The following BANK1 variants were observed in gnomAD, a reference collection of about 807,000 sequenced individuals.
The protein encoded by BANK1 is B cell scaffold protein with ankyrin repeats 1.
BANK1 carries 95 observed loss-of-function variants against 94.5 expected under a neutral mutation model. The ratio of observed to expected loss-of-function variants is 1.00; its 90% confidence interval spans 0.85 to 1.19. The LOEUF is 1.19. Ranked by LOEUF, BANK1 falls within the 50% of genes most tolerant of loss-of-function variation. The pLI, the probability that BANK1 is intolerant of heterozygous loss-of-function variation, is 0.00. For synonymous variants in BANK1, 334 were observed against 308.4 expected (o/e 1.08, Z -0.87); for missense variants, 987 against 932.2 (o/e 1.06, Z -0.77).
chr4:101,933,029 A>G (rs1723410120), intron 7 of BANK1, among the ~76,000 whole-genome samples: 2 of 151,526 alleles, frequency 1.3e-5, no homozygotes. Context: ...GAAAATGTAC[A>G]CTGAAAAATA....
intron 1 of BANK1, among the ~76,000 whole-genome samples, chr4:101,828,383 T>TTATATATATATATATATATATATATATA (rs60877981): frequency 7.0e-6 from 1 of 142,170 alleles, no homozygotes; most frequent in African/African-American, 2.6e-5. Flanking sequence ...ATGAGTGAAT[T>TTATATATATATATATATATATATATATA]TATATATATA....
At chr4:101,983,565 T>C (rs1725387961) in intron 7 of BANK1, among the ~76,000 whole-genome samples, 1 of 152,082 alleles carries the variant, frequency 6.6e-6, no homozygotes, top group Non-Finnish European at 1.5e-5. Context: ...TACAGCCCCT[T>C]CAGAAAATTG....
intron 10 of BANK1, among the ~76,000 whole-genome samples, chr4:102,033,128 C>T (rs1578469058): frequency 2.0e-5 from 3 of 152,238 alleles, no homozygotes; most frequent in East Asian, 1.9e-4. Context: ...GATTAGAATG[C>T]GGGAAAAAGA....
At chr4:101,946,510 C>G (rs571807262) in intron 7 of BANK1, among the ~76,000 whole-genome samples, 1 of 151,908 alleles carries the variant, frequency 6.6e-6, no homozygotes, top group African/African-American at 2.4e-5. Flanking sequence ...TATTAGCAGA[C>G]GGCAAAATGC....
chr4:101,949,149 G>A (rs932284827), intron 7 of BANK1, among the ~76,000 whole-genome samples: 5 of 152,056 alleles, frequency 3.3e-5, no homozygotes, highest in Non-Finnish European at 7.4e-5. Context: ...ACCCTAGGAT[G>A]ACGTGGCTCT....
chr4:101,802,081 A>G (rs947425637), intron 1 of BANK1, among the ~76,000 whole-genome samples: 1 of 152,174 alleles, frequency 6.6e-6, no homozygotes, highest in Non-Finnish European at 1.5e-5. Context: ...GCCTGTCCTT[A>G]CTTAGGTCTG....
chr4:102,001,815 C>G (rs1288930279), intron 7 of BANK1, among the ~76,000 whole-genome samples: 1 of 152,102 alleles, frequency 6.6e-6, no homozygotes, highest in Non-Finnish European at 1.5e-5. Context: ...AAAAATTGGG[C>G]AGCATTCATC....
intron 9 of BANK1, 71 bp from the exon 10 acceptor site, chr4:102,029,889 A>T: frequency 6.8e-7 from 1 of 1,465,324 alleles, no homozygotes; most frequent in Non-Finnish European, 9.2e-7. Context: ...AGCTCAAAAA[A>T]GTGACAGATG....
chr4:101,920,571 G>T lies in BANK1; in HGVS notation c.1206+2382G>T, dbSNP rs531572190. 8.0e-4 allele frequency among the ~76,000 whole-genome samples: 121 copies of T among 151,936 alleles called. 1 individual carries two copies. The highest frequency in any genetic ancestry group is 1.4e-3 in the Non-Finnish European group (92 of 67,888). On this transcript the variant is annotated intron_variant, in intron 7 of 16. Coordinates refer to ENST00000322953, the MANE Select transcript of BANK1 (RefSeq NM_017935.5). ...TCACAAATGCATTCAAATTTTTCAT[G>T]AACTATTGTTTCAGAATAGTTTAAA...
chr4:102,073,820 G>C (rs1229728600), intron 16 of BANK1, 72 bp downstream of exon 16: 2 of 1,241,156 alleles, frequency 1.6e-6, no homozygotes, highest in Admixed American at 2.2e-5. Flanking sequence ...GGTATCATTT[G>C]TCTAAAAAAC....
chr4:101,864,608 G>A (rs555699531), intron 4 of BANK1, among the ~76,000 whole-genome samples: 1 of 152,142 alleles, frequency 6.6e-6, no homozygotes, highest in Non-Finnish European at 1.5e-5. Flanking sequence ...AAGGGTCACA[G>A]TTGTCACTCC....
chr4:101,906,165 C>A (rs1159522664), intron 6 of BANK1, among the ~76,000 whole-genome samples: 1 of 152,166 alleles, frequency 6.6e-6, no homozygotes, highest in Non-Finnish European at 1.5e-5. Context: ...AGGAGTAAGA[C>A]AAGCTCGTGT....
At chr4:101,876,267 G>A (rs1560612463) in intron 5 of BANK1, among the ~76,000 whole-genome samples, 1 of 152,182 alleles carries the variant, frequency 6.6e-6, no homozygotes. Context: ...CAGCTGTAGT[G>A]GCTAAGAGGG....
Position 102,060,193 on chromosome 4 carries a change from C to T in BANK1, c.1970-18C>T. 6.5e-7 allele frequency: 1 copy of T among 1,543,794 alleles called. No individual in the cohort carries two copies. The highest frequency in any genetic ancestry group is 8.7e-7 in the Non-Finnish European group (1 of 1,154,560). Reference sequence around the variant, plus strand: ...ACACCTGGACTTTCTGTTAATGCACCCTCCCCTTGTATTTTAGACAGAGCT... The same window carrying T: ...ACACCTGGACTTTCTGTTAATGCACTCTCCCCTTGTATTTTAGACAGAGCT... On this transcript the variant is annotated intron_variant, in intron 11 of 16. Coordinates refer to ENST00000322953, the MANE Select transcript of BANK1 (RefSeq NM_017935.5).
chr4:101,840,962 G>A (rs752885229), intron 2 of BANK1, among the ~76,000 whole-genome samples: 16 of 152,032 alleles, frequency 1.1e-4, no homozygotes, highest in Non-Finnish European at 1.9e-4. Context: ...AAGTAGCTAG[G>A]ACCACAGGCA....
intron 7 of BANK1, among the ~76,000 whole-genome samples, chr4:101,921,133 G>A (rs966602733): frequency 3.9e-5 from 6 of 151,932 alleles, no homozygotes; most frequent in African/African-American, 1.4e-4. Context: ...ATAAAGTTAT[G>A]TAATTAACAT....
At chr4:101,920,576 A>G (rs538949384) in intron 7 of BANK1, among the ~76,000 whole-genome samples, 1 of 152,014 alleles carries the variant, frequency 6.6e-6, no homozygotes, top group Admixed American at 6.6e-5. Flanking sequence ...TTCATGAACT[A>G]TTGTTTCAGA....
intron 6 of BANK1, among the ~76,000 whole-genome samples, chr4:101,896,740 A>T (rs1387816446): frequency 6.6e-6 from 1 of 151,960 alleles, no homozygotes; most frequent in Non-Finnish European, 1.5e-5. Context: ...AATGAGATAA[A>T]CTTGGTGGTA....
intron 7 of BANK1, among the ~76,000 whole-genome samples, chr4:101,951,812 A>G (rs940329784): frequency 3.3e-5 from 5 of 151,946 alleles, no homozygotes; most frequent in Non-Finnish European, 4.4e-5. Flanking sequence ...ATCAATATAA[A>G]TAATTTTGAT....
Sources: gnomAD v4.1 joint callset for allele counts (sites outside exome capture counted in the v4.1 genomes callset) on GRCh38, gnomAD v4.1.1 for gene constraint, MANE v1.5 for transcripts, NCBI Gene and HGNC (gene_info 2026-07-23, HGNC 2026-07-21) for gene names.